The following PSMA2 variants were observed in gnomAD, a reference collection of about 807,000 sequenced individuals.
PSMA2 encodes proteasome 20S subunit alpha 2, also known as proteasome subunit alpha type-2.
In PSMA2, 2 loss-of-function variants were observed where a neutral mutation model predicts 35.9. That is an observed-to-expected ratio of 0.06 (90% CI 0.02 to 0.18). The LOEUF is 0.18. PSMA2 is among the 10% of genes least tolerant of loss of function. The pLI is 1.00. For synonymous variants in PSMA2, 97 were observed against 98.2 expected (o/e 0.99, Z 0.07); for missense variants, 126 against 278.8 (o/e 0.45, Z 3.90).
In PSMA2 at chr7:42,917,585, C is replaced by A. The variant is rs749182263; in HGVS notation, c.694G>T (p.Ala232Ser). The A allele has an allele frequency of 4.3e-6, 7 of 1,611,098 alleles. No homozygotes were observed. Among genetic ancestry groups the A allele is most frequent in the East Asian group, 2.2e-5 (1 of 44,802 alleles). Residue 232 changes from alanine (A) to serine (S), a missense_variant, in exon 8 of 8, where the codon GCC becomes TCC. Ala to Ser is a moderately conservative substitution (Grantham distance 99). Transcript: ENST00000223321. ...CAGTCACTTCATTGTTATGCTATGG[C>A]AGCCAAGTAATCCTTAACTTCAGTT... ...TPTEVKDYLA[A>S]IA
intron 5 of PSMA2, 88 bp from the exon 6 acceptor site, chr7:42,922,019 T>C (rs1048418156): frequency 4.6e-5 from 47 of 1,016,950 alleles, no homozygotes; most frequent in African/African-American, 1.8e-4. Context: ...GCTTTATTAA[T>C]TGTTCTCTAA....
intron 1 of PSMA2, among the ~76,000 whole-genome samples, chr7:42,930,816 G>C (rs1307260727): frequency 6.6e-6 from 1 of 151,786 alleles, no homozygotes; most frequent in Non-Finnish European, 1.5e-5. Flanking sequence ...CCAAGTCCCT[G>C]TCCCTAAAAA....
intron 1 of PSMA2, chr7:42,931,134 C>T (rs619664): frequency 0.99 from 449,571 of 452,446 alleles, 223,429 homozygotes; most frequent in East Asian, 1. Context: ...GTACAAGCTG[C>T]GGTTAGTTCA....
intron 1 of PSMA2, among the ~76,000 whole-genome samples, chr7:42,927,902 G>C (rs1250591772): frequency 1.8e-5 from 1 of 55,294 alleles, no homozygotes; most frequent in African/African-American, 5.4e-5. Context: ...CCGAAACCTC[G>C]TCTCAAAAAA....
At chr7:42,926,442 G>C in intron 3 of PSMA2, 94 bp downstream of exon 3, 5 of 1,380,580 alleles carry the variant, frequency 3.6e-6, no homozygotes, top group Non-Finnish European at 4.8e-6. Flanking sequence ...GGAACTGGAA[G>C]ATTAAAGGAA....
chr7:42,919,140 C>A, intron 6 of PSMA2: 1 of 506,048 alleles, frequency 2.0e-6, no homozygotes, highest in South Asian at 1.7e-5. Flanking sequence ...ATGAGTATTT[C>A]TAAATCAGTG....
intron 1 of PSMA2, among the ~76,000 whole-genome samples, chr7:42,930,225 GCACACACACACA>G (rs60660330): frequency 5.3e-5 from 8 of 150,264 alleles, no homozygotes; most frequent in Admixed American, 2.0e-4. Context: ...ACACACACAC[GCACACACACACA>G]CACACACACA....
chr7:42,926,009 T>C (rs1416138304), intron 3 of PSMA2, among the ~76,000 whole-genome samples: 3 of 152,176 alleles, frequency 2.0e-5, no homozygotes, highest in Non-Finnish European at 4.4e-5. Flanking sequence ...TCTCTTCCTG[T>C]GAAATATAAA....
At chr7:42,924,651 T>G in intron 4 of PSMA2, 24 bp downstream of exon 4, 1 of 1,600,858 alleles carries the variant, frequency 6.2e-7, no homozygotes, top group Non-Finnish European at 8.5e-7. Context: ...TCATGGCACA[T>G]TTCAAGTAAA....
intron 1 of PSMA2, among the ~76,000 whole-genome samples, chr7:42,931,828 T>C (rs1786318498): frequency 6.6e-6 from 1 of 152,088 alleles, no homozygotes; most frequent in African/African-American, 2.4e-5. Context: ...CTGCCTTCTT[T>C]TCTGGTCTCC....
chr7:42,919,836 T>G, intron 6 of PSMA2: 1 of 739,014 alleles, frequency 1.4e-6, no homozygotes, highest in East Asian at 2.5e-5. Flanking sequence ...CAAAGGACAC[T>G]CTGGTCCTAT....
At chr7:42,922,117 G>A (rs926549573) in intron 5 of PSMA2, among the ~76,000 whole-genome samples, 186 bp from the exon 6 acceptor site, 2 of 152,002 alleles carry the variant, frequency 1.3e-5, no homozygotes, top group Non-Finnish European at 2.9e-5. Flanking sequence ...AAACCAAAAA[G>A]GCATGAAGAA....
chr7:42,931,120 A>G, intron 1 of PSMA2: 2 of 448,196 alleles, frequency 4.5e-6, no homozygotes, highest in South Asian at 3.2e-5. Flanking sequence ...AAGTTGTTTA[A>G]TTTGTACAAG....
chr7:42,924,812 A>T lies in PSMA2; in HGVS notation c.252-15T>A, dbSNP rs764643823. 1.2e-6 allele frequency: 2 copies of T among 1,602,712 alleles called. No homozygotes were observed. The highest frequency in any genetic ancestry group is 3.4e-5 in the Admixed American group (2 of 59,080). On this transcript the variant is annotated splice_polypyrimidine_tract_variant and intron_variant, in intron 3 of 7. Coordinates refer to ENST00000223321, the MANE Select transcript of PSMA2 (RefSeq NM_002787.5). Reference sequence around the variant, plus strand: ...GCACAAGCACTCTAACAAGGAAAAAATAAGATTTAATTACACAGAACATGC... The same window carrying T: ...GCACAAGCACTCTAACAAGGAAAAATTAAGATTTAATTACACAGAACATGC...
At chr7:42,927,233 T>C (rs1786229047) in intron 2 of PSMA2, 150 bp downstream of exon 2, 4 of 659,368 alleles carry the variant, frequency 6.1e-6, no homozygotes, top group Non-Finnish European at 1.0e-5. Flanking sequence ...CTTAGACTTA[T>C]TACTATTTAA....
At chr7:42,919,909 T>C in intron 6 of PSMA2, 1 of 755,482 alleles carries the variant, frequency 1.3e-6, no homozygotes, top group Non-Finnish European at 2.5e-6. Flanking sequence ...GATGGAACAC[T>C]GAGACTGGCA....
chr7:42,921,577 A>G, intron 6 of PSMA2: 1 of 260,002 alleles, frequency 3.8e-6, no homozygotes, highest in Non-Finnish European at 7.2e-6. Context: ...CCCTCCTGAA[A>G]TGGCACAAAA....
intron 1 of PSMA2, among the ~76,000 whole-genome samples, chr7:42,930,805 G>T (rs1786293253): frequency 6.6e-6 from 1 of 151,812 alleles, no homozygotes; most frequent in South Asian, 2.1e-4. Context: ...GCTGGAGGCT[G>T]CCAAGTCCCT....
intron 1 of PSMA2, among the ~76,000 whole-genome samples, chr7:42,930,223 A>ACG (rs200403801): frequency 0.029 from 138 of 4,840 alleles, no homozygotes; most frequent in African/African-American, 0.045. Flanking sequence ...ACACACACAC[A>ACG]CGCACACACA....
Sources: allele counts gnomAD v4.1 joint callset (sites outside exome capture counted in the v4.1 genomes callset), GRCh38; gene constraint gnomAD v4.1.1; transcripts MANE v1.5; gene names NCBI Gene and HGNC (gene_info 2026-07-23, HGNC 2026-07-21).